The following BPTF variants were observed in gnomAD, a reference collection of about 807,000 sequenced individuals.
BPTF encodes nucleosome-remodeling factor subunit BPTF.
Under a neutral mutation model 292.5 loss-of-function variants are expected in BPTF, and 18 were observed. The observed-to-expected ratio is 0.06, with a 90% CI of 0.04 to 0.09. The LOEUF is 0.09. Ranked by LOEUF, BPTF falls within the 10% of genes least tolerant of loss-of-function variation. The pLI is 1.00. For synonymous variants in BPTF, 1,225 were observed against 1,251.9 expected (o/e 0.98, Z 0.45); for missense variants, 2,726 against 3,498.7 (o/e 0.78, Z 5.57).
In BPTF at chr17:67,945,592, C is replaced by T. The variant is rs2065747720; in HGVS notation, c.6884C>T (p.Thr2295Ile). ...PQSPAQPEVQ[T>I]QPEVQTQTTV... ...TCCCCAGCTCAGCCTGAAGTTCAGA[C>T]TCAGCCTGAAGTTCAGACCCAAACA... The change falls in exon 21 of 28, where the codon ACT becomes ATT. Residue 2295 changes from threonine to isoleucine, a missense_variant. By Grantham distance (89) the Thr-to-Ile change is moderately conservative (BLOSUM62 -1). Transcript: ENST00000306378. The T allele has an allele frequency of 6.2e-7, 1 of 1,612,078 alleles. No individual in the cohort carries two copies. Among genetic ancestry groups the T allele is most frequent in the South Asian group, 1.1e-5 (1 of 90,882 alleles).
In BPTF at chr17:67,826,198, TGAGGACGAC is replaced by T. The variant is rs1468407358; in HGVS notation, c.480_488del (p.Asp160_Glu162del). On this transcript the variant is annotated inframe_deletion, in exon 1 of 28. Transcript: ENST00000306378. ...GCGACGCCGAGGAGACCCAGGATTC[TGAGGACGAC>T]GAGGAGGATGAGATGGAAGAGGACG... The T allele has an allele frequency of 1.2e-6, 2 of 1,612,016 alleles. No individual in the cohort carries two copies. Among genetic ancestry groups the T allele is most frequent in the African/African-American group, 2.7e-5 (2 of 74,830 alleles).
intron 11 of BPTF, among the ~76,000 whole-genome samples, chr17:67,917,742 C>T (rs1228164195): frequency 1.3e-5 from 2 of 152,064 alleles, no homozygotes; most frequent in East Asian, 3.9e-4. Context: ...AATTGATTCT[C>T]CTGCCTTAGC....
intron 4 of BPTF, among the ~76,000 whole-genome samples, chr17:67,887,162 G>A (rs1481301021): frequency 6.6e-6 from 1 of 151,980 alleles, no homozygotes; most frequent in African/African-American, 2.4e-5. Context: ...TAACATTTTT[G>A]CCAATGGTGA....
rs775088968 is a variant in BPTF at position 67,912,696 on chromosome 17, G to A, written c.4812G>A (p.Lys1604=). The change falls in exon 11 of 28, where the codon AAG becomes AAA. Residue 1604 remains lysine, a synonymous_variant. Coordinates refer to ENST00000306378, the MANE Select transcript of BPTF (RefSeq NM_182641.4). ...TVATESKTVI[K]VEKGDKQTVV... The stretch of plus-strand genomic sequence containing the variant: ...CCACAGAATCAAAAACTGTGATCAA[G>A]GTAGAAAAAGGCGATAAGCAAACTG... The A allele has an allele frequency of 6.2e-7, 1 of 1,614,016 alleles. No homozygotes were observed. The highest frequency in any genetic ancestry group is 8.5e-7 in the Non-Finnish European group (1 of 1,180,038).
chr17:67,949,680 CAGACAT>C (rs200707619), intron 23 of BPTF, among the ~76,000 whole-genome samples: 70 of 151,238 alleles, frequency 4.6e-4, no homozygotes, highest in Non-Finnish European at 6.5e-4. Context: ...TATATACACA[CAGACAT>C]ACATATATAT....
At position 67,912,017 on chromosome 17, in the gene BPTF, A is replaced by G; in HGVS notation, c.4133A>G (p.Gln1378Arg). ...AGACCAGTTAATAAATGTAGTGATC[A>G]AATAAAGCTAAAAAATACCACTGAC... is the stretch of plus-strand genomic sequence containing the variant. ...EERPVNKCSD[Q>R]IKLKNTTDKK... The change falls in exon 11 of 28, where the codon CAA becomes CGA. Residue 1378 changes from glutamine to arginine, a missense_variant. By Grantham distance (43) the Gln-to-Arg change is conservative. This residue lies in a region of BPTF where 713 missense variants were observed against 714.9 expected (regional missense o/e 1.00). Coordinates refer to ENST00000306378, the MANE Select transcript of BPTF (RefSeq NM_182641.4). The G allele has an allele frequency of 6.2e-7, 1 of 1,613,516 alleles. No homozygotes were observed. Among genetic ancestry groups the G allele is most frequent in the Non-Finnish European group, 8.5e-7 (1 of 1,179,890 alleles).
At position 67,946,179 on chromosome 17, in the gene BPTF, A is replaced by G. The variant is rs1184584536; in HGVS notation, c.7471A>G (p.Thr2491Ala). 6.2e-7 allele frequency: 1 copy of G among 1,614,136 alleles called. No homozygotes were observed. Among genetic ancestry groups the G allele is most frequent in the African/African-American group, 1.3e-5 (1 of 74,950 alleles). The change falls in exon 21 of 28, where the codon ACA (threonine) becomes GCA (alanine). Residue 2491 changes from threonine (T) to alanine (A), a missense_variant. Transcript: ENST00000306378. Reference protein sequence around the residue: ...VQTHQIQNVVTVQAASVQEQL... With the variant: ...VQTHQIQNVVAVQAASVQEQL... ...GACTCACCAGATTCAGAATGTGGTT[A>G]CAGTGCAGGCAGCCAGTGTGCAAGA...
intron 13 of BPTF, among the ~76,000 whole-genome samples, chr17:67,922,526 G>C (rs2063523907): frequency 6.6e-6 from 1 of 152,160 alleles, no homozygotes; most frequent in African/African-American, 2.4e-5. Flanking sequence ...GCTTGGAATA[G>C]TGCTCCAGGT....
chr17:67,836,655 A>G (rs2057155480), intron 1 of BPTF, among the ~76,000 whole-genome samples: 1 of 152,208 alleles, frequency 6.6e-6, no homozygotes, highest in Non-Finnish European at 1.5e-5. Context: ...GGAGAAACAG[A>G]CAAATCCTTA....
rs1054351123 is a variant in BPTF, at chr17:67,911,231, A to G, written c.3347A>G (p.Gln1116Arg). The G allele has an allele frequency of 2.5e-6, 4 of 1,614,042 alleles. No individual in the cohort carries two copies. The highest frequency in any genetic ancestry group is 3.4e-6 in the Non-Finnish European group (4 of 1,179,988). The change falls in exon 11 of 28, where the codon CAG becomes CGG. Residue 1116 changes from glutamine to arginine, a missense_variant. Gln to Arg is a conservative substitution (Grantham distance 43). Transcript: ENST00000306378. ...PVITKAKEGC[Q>R]SDSMRQEQSP... Reference sequence around the variant, plus strand: ...ATAACGAAAGCAAAAGAAGGGTGTCAGAGTGACTCGATGAGACAAGAACAG... The same window carrying G: ...ATAACGAAAGCAAAAGAAGGGTGTCGGAGTGACTCGATGAGACAAGAACAG...
chr17:67,849,031 A>G (rs2058225405), intron 1 of BPTF, among the ~76,000 whole-genome samples: 1 of 152,148 alleles, frequency 6.6e-6, no homozygotes. Context: ...TTCCCTTTGC[A>G]TCAATCCTGT....
intron 23 of BPTF, chr17:67,955,986 A>G (rs2066893680): frequency 6.6e-6 from 1 of 152,034 alleles, no homozygotes; most frequent in Non-Finnish European, 1.5e-5. Context: ...TGTTTCTACA[A>G]AAAAGAATTC....
rs567678735 is a variant in BPTF, at chr17:67,932,792, G to A, written c.6259+773G>A. Among the ~76,000 whole-genome samples, 21 of 151,796 alleles carry A rather than the reference G, an allele frequency of 1.4e-4. No individual in the cohort carries two copies. The South Asian group carries it at 4.4e-3, about 31-fold the overall frequency. On this transcript the variant is annotated intron_variant, in intron 18 of 27. Coordinates refer to ENST00000306378, the MANE Select transcript of BPTF (RefSeq NM_182641.4). ...TAGCTAAAATCAAATTACTACAAAA[G>A]CTACAAAAGATAAAAAAACTAGAGA...
In BPTF at chr17:67,922,969, A is replaced by C; in HGVS notation, c.5687A>C (p.Glu1896Ala). The change falls in exon 14 of 28, where the codon GAG (glutamate) becomes GCG (alanine). Residue 1896 changes from glutamate to alanine, a missense_variant. Physicochemically the swap from Glu to Ala is moderately radical, Grantham distance 107 (BLOSUM62 -1). This residue lies in a region of BPTF where 198 missense variants were observed against 277.1 expected (regional missense o/e 0.71). Coordinates refer to ENST00000306378, the MANE Select transcript of BPTF (RefSeq NM_182641.4). ...WVAEEELELWEIRAFAERVEK... is the reference protein window; with the variant it reads ...WVAEEELELWAIRAFAERVEK... Reference sequence around the variant, plus strand: ...GCAGAAGAAGAACTGGAATTGTGGGAGATCAGGGCATTTGCTGAGAGGTAA... The same window carrying C: ...GCAGAAGAAGAACTGGAATTGTGGGCGATCAGGGCATTTGCTGAGAGGTAA... 1 of 1,613,660 alleles carries C rather than the reference A, an allele frequency of 6.2e-7. No homozygotes were observed. Among genetic ancestry groups the C allele is most frequent in the South Asian group, 1.1e-5 (1 of 90,938 alleles).
At chr17:67,840,591 A>C (rs1598157298) in intron 1 of BPTF, among the ~76,000 whole-genome samples, 1 of 136,688 alleles carries the variant, frequency 7.3e-6, no homozygotes, top group African/African-American at 2.8e-5. Flanking sequence ...TCCTTCTTTC[A>C]CCCATGCTGG....
At chr17:67,962,707 A>C (rs1198625836) in intron 24 of BPTF, among the ~76,000 whole-genome samples, 1 of 152,216 alleles carries the variant, frequency 6.6e-6, no homozygotes, top group Non-Finnish European at 1.5e-5. Context: ...TTTTAATTCG[A>C]TTAAATTCCA....
At chr17:67,876,910 G>A (rs1041892113) in intron 4 of BPTF, among the ~76,000 whole-genome samples, 26 of 152,222 alleles carry the variant, frequency 1.7e-4, no homozygotes, top group Non-Finnish European at 2.8e-4. Context: ...GTCAGTGGCC[G>A]GCATCAGAGG....
intron 23 of BPTF, among the ~76,000 whole-genome samples, chr17:67,950,072 ACATTT>A (rs1334681570): frequency 4.8e-4 from 71 of 149,444 alleles, no homozygotes; most frequent in Admixed American, 1.4e-3. Flanking sequence ...AAAAAAAAAA[ACATTT>A]CATAACATAT....
intron 4 of BPTF, among the ~76,000 whole-genome samples, chr17:67,878,569 T>C (rs1598390817): frequency 6.6e-6 from 1 of 152,072 alleles, no homozygotes; most frequent in South Asian, 2.1e-4. Context: ...CATCACTCTT[T>C]GTCTTTTTGG....
Sources: allele counts gnomAD v4.1 joint callset (sites outside exome capture counted in the v4.1 genomes callset), GRCh38; gene constraint gnomAD v4.1.1; regional missense constraint gnomAD v4.1.1; transcripts MANE v1.5; gene names NCBI Gene and HGNC (gene_info 2026-07-23, HGNC 2026-07-21).